The following SMO variants were observed in gnomAD, a reference collection of about 807,000 sequenced individuals.
SMO encodes protein smoothened.
Under a neutral mutation model 81.6 loss-of-function variants are expected in SMO, and 40 were observed. That is an observed-to-expected ratio of 0.49 (90% CI 0.38 to 0.64). SMO has a LOEUF of 0.64. SMO is among the 30% of genes least tolerant of loss of function. The probability of loss-of-function intolerance (pLI) is 0.00; values close to 1 mark genes in which losing one functional copy is unlikely to be tolerated. For synonymous variants in SMO, 434 were observed against 432.1 expected (o/e 1.00, Z -0.05); for missense variants, 916 against 1,061.1 (o/e 0.86, Z 1.90).
At chr7:129,209,419 G>C in intron 8 of SMO, 22 bp downstream of exon 8, 1 of 1,518,222 alleles carries the variant, frequency 6.6e-7, no homozygotes, top group Non-Finnish European at 9.1e-7. Context: ...GCATGGAGGC[G>C]GCAGTGCTGG....
rs2150655328 is a variant in SMO at position 129,211,549 on chromosome 7, G to A, written c.1802-87G>A. On this transcript the variant is annotated intron_variant, in intron 10 of 11. Coordinates refer to ENST00000249373, the MANE Select transcript of SMO (RefSeq NM_005631.5). This position sits in a 1 kb window ranked among gnomAD's most constrained non-coding sequence, Gnocchi z 4.6. Reference sequence around the variant, plus strand: ...GGTGAGCAGGAGGGACTGGCTGTGGGAAGATGAATGGCACTGACTATGGGA... The same window carrying A: ...GGTGAGCAGGAGGGACTGGCTGTGGAAAGATGAATGGCACTGACTATGGGA... 1.7e-5 allele frequency: 24 copies of A among 1,426,572 alleles called. No individual in the cohort carries two copies. The highest frequency in any genetic ancestry group is 2.2e-5 in the Non-Finnish European group (22 of 1,022,044). 88.4% of individuals were successfully genotyped at this position (1,426,572 alleles called of 1,614,324 possible).
Position 129,210,638 on chromosome 7 carries a change from G to C in SMO, c.1652+90G>C. Reference sequence around the variant, plus strand: ...TAGGTTTTGTCGGGTCCTGCCTCTAGCACAGCCTTGGTCAGTGGTTCACCG... The same window carrying C: ...TAGGTTTTGTCGGGTCCTGCCTCTACCACAGCCTTGGTCAGTGGTTCACCG... On this transcript the variant is annotated intron_variant, in intron 9 of 11. Transcript: ENST00000249373. This position sits in a 1 kb window ranked among gnomAD's most constrained non-coding sequence, Gnocchi z 4.7. The C allele has an allele frequency of 3.7e-6, 4 of 1,077,962 alleles. No homozygotes were observed. The South Asian group carries it at 5.6e-5, about 15-fold the overall frequency. The allele number at this position is 1,077,962 out of a possible 1,614,324, so 66.8% of individuals were successfully genotyped here.
intron 1 of SMO, among the ~76,000 whole-genome samples, chr7:129,190,845 G>A (rs2150639421): frequency 6.6e-6 from 1 of 152,304 alleles, no homozygotes; most frequent in South Asian, 2.1e-4. Flanking sequence ...ATGTGGTTTT[G>A]CATATACACT....
At chr7:129,202,449 A>G (rs1308384359) in intron 1 of SMO, among the ~76,000 whole-genome samples, 1 of 152,066 alleles carries the variant, frequency 6.6e-6, no homozygotes, top group African/African-American at 2.4e-5. Flanking sequence ...ACATCCTCAT[A>G]TTCTCTCCTA....
chr7:129,202,836 A>G (rs1793692546), intron 1 of SMO, among the ~76,000 whole-genome samples: 1 of 152,120 alleles, frequency 6.6e-6, no homozygotes, highest in Admixed American at 6.6e-5. Context: ...GAAAAGGTAA[A>G]TCCACCCCGG....
At chr7:129,198,470 C>T (rs951028602) in intron 1 of SMO, among the ~76,000 whole-genome samples, 18 of 152,210 alleles carry the variant, frequency 1.2e-4, no homozygotes, top group Non-Finnish European at 2.2e-4. Flanking sequence ...GTACCATGCT[C>T]TATAGACTGC....
chr7:129,195,742 T>C (rs534225376), intron 1 of SMO, among the ~76,000 whole-genome samples: 41 of 152,302 alleles, frequency 2.7e-4, no homozygotes, highest in African/African-American at 9.4e-4. Context: ...ATTGACATTA[T>C]TTCAAGATAT....
chr7:129,190,915 C>T (rs1793472634), intron 1 of SMO, among the ~76,000 whole-genome samples: 1 of 152,042 alleles, frequency 6.6e-6, no homozygotes. Flanking sequence ...AATGGGTATA[C>T]ATAGAAGATA....
At position 129,189,567 on chromosome 7, in the gene SMO, A is replaced by T; in HGVS notation, c.331+85A>T. The stretch of plus-strand genomic sequence containing the variant: ...CTTGGAAAGAACAGGCTCAGGCCTG[A>T]GTTTTGGAGAGGGCGGGGACAGCAC... On this transcript the variant is annotated intron_variant, in intron 1 of 11. Coordinates refer to ENST00000249373, the MANE Select transcript of SMO (RefSeq NM_005631.5). The surrounding 1 kb of genome is among the most constrained non-coding windows in gnomAD (Gnocchi z 4.7). The T allele has an allele frequency of 1.4e-6, 2 of 1,423,430 alleles. No homozygotes were observed. The highest frequency in any genetic ancestry group is 1.9e-6 in the Non-Finnish European group (2 of 1,057,446). 88.2% of individuals were successfully genotyped at this position (1,423,430 alleles called of 1,614,324 possible).
chr7:129,206,636 C>T lies in SMO; in HGVS notation c.1264+49C>T, dbSNP rs2150650979. 1 of 1,595,200 alleles carries T rather than the reference C, an allele frequency of 6.3e-7. No individual in the cohort carries two copies. The highest frequency in any genetic ancestry group is 8.6e-7 in the Non-Finnish European group (1 of 1,167,904). On this transcript the variant is annotated intron_variant, in intron 6 of 11. Transcript: ENST00000249373. The surrounding 1 kb of genome is among the most constrained non-coding windows in gnomAD (Gnocchi z 4.4). ...CAGTTGGGCAACAAAATATACTGGG[C>T]ACTTGCTGCCAGTACTGGGAGCTGC...
chr7:129,193,289 C>G (rs1793505851), intron 1 of SMO, among the ~76,000 whole-genome samples: 4 of 152,232 alleles, frequency 2.6e-5, no homozygotes, highest in African/African-American at 9.6e-5. Context: ...TGCCCACTTG[C>G]AGGTAAGTAG....
chr7:129,206,152 C>A lies in SMO; in HGVS notation c.923C>A (p.Ser308Tyr). The change falls in exon 5 of 12, where the codon TCC (serine) becomes TAC (tyrosine). Residue 308 changes from serine to tyrosine, a missense_variant and splice_region_variant. Transcript: ENST00000249373. The surrounding 1 kb of genome is among the most constrained non-coding windows in gnomAD (Gnocchi z 4.4). ...DGTMRLGEPT[S>Y]NETLSCVIIF... ...TGACACCTCACCTCTCTGCACAGCT[C>A]CAATGAGACTCTGTCCTGCGTCATC... The A allele has an allele frequency of 6.3e-7, 1 of 1,597,198 alleles. No homozygotes were observed. Among genetic ancestry groups the A allele is most frequent in the South Asian group, 1.1e-5 (1 of 87,248 alleles).
intron 1 of SMO, among the ~76,000 whole-genome samples, chr7:129,191,888 C>T (rs7784604): frequency 3.3e-5 from 5 of 152,160 alleles, no homozygotes; most frequent in Middle Eastern, 6.8e-3. Flanking sequence ...TCACATGCTG[C>T]GCATGTAAGG....
chr7:129,210,902 TC>T lies in SMO; in HGVS notation c.1653-60del. The T allele has an allele frequency of 6.5e-7, 1 of 1,529,156 alleles. No individual in the cohort carries two copies. Among genetic ancestry groups the T allele is most frequent in the Non-Finnish European group, 8.8e-7 (1 of 1,133,726 alleles). 94.7% of individuals were successfully genotyped at this position (1,529,156 alleles called of 1,614,324 possible). On this transcript the variant is annotated intron_variant, in intron 9 of 11. Transcript: ENST00000249373. This position sits in a 1 kb window ranked among gnomAD's most constrained non-coding sequence, Gnocchi z 4.7. ...TGGAAAGAATGGCATCGCTGGCCCT[TC>T]CCAAGATTTGATGGGAAGTGGCAGC...
chr7:129,192,475 T>G (rs1272119389), intron 1 of SMO, among the ~76,000 whole-genome samples: 2 of 152,200 alleles, frequency 1.3e-5, no homozygotes. Flanking sequence ...GTCTTTGCAT[T>G]TTAGCTGGAT....
chr7:129,196,779 A>G (rs1257258747), intron 1 of SMO, among the ~76,000 whole-genome samples: 2 of 152,090 alleles, frequency 1.3e-5, no homozygotes, highest in African/African-American at 4.8e-5. Flanking sequence ...GCACTTCGGG[A>G]GGCCAAGGCA....
chr7:129,199,022 A>G (rs772262389), intron 1 of SMO, among the ~76,000 whole-genome samples: 5 of 152,178 alleles, frequency 3.3e-5, no homozygotes, highest in African/African-American at 9.7e-5. Flanking sequence ...TGAATAATCT[A>G]TATTATCTTT....
rs1315908503 is a variant in SMO, at chr7:129,188,813, G to A, written c.-339G>A. On this transcript the variant is annotated 5_prime_UTR_variant, in exon 1 of 12. In the 5' UTR this introduces an upstream ATG that the reference lacks. Transcript: ENST00000249373. This position sits in a 1 kb window ranked among gnomAD's most constrained non-coding sequence, Gnocchi z 4.9. ...CTGGCCTCCCTCGCGGGGCGGGGAG[G>A]TGGCTTTAATGGTGGGAGAGGGAAT... 2.2e-5 allele frequency: 5 copies of A among 224,710 alleles called. No homozygotes were observed. The highest frequency in any genetic ancestry group is 1.8e-4 in the South Asian group (1 of 5,470). The allele number at this position is 224,710 out of a possible 1,614,324, so 13.9% of individuals were successfully genotyped here. A position where few individuals can be genotyped will look rare whatever the true frequency, so the allele number is the denominator to read the frequency against.
rs114406835 is a variant in SMO at position 129,211,081 on chromosome 7, G to A, written c.1769G>A (p.Ser590Asn). The A allele has an allele frequency of 1.7e-5, 28 of 1,613,176 alleles. No individual in the cohort carries two copies. The highest frequency in any genetic ancestry group is 2.4e-5 in the Non-Finnish European group (28 of 1,179,616). ...AACCCAGGCCAGGAGCTGTCCTTCA[G>A]CATGCACACTGTGTCCCACGACGGG... ...LQNPGQELSF[S>N]MHTVSHDGPV... The change falls in exon 10 of 12, where the codon AGC becomes AAC. Residue 590 changes from serine (S) to asparagine (N), a missense_variant. By Grantham distance (46) the Ser-to-Asn change is conservative (BLOSUM62 1). Transcript: ENST00000249373. This position sits in a 1 kb window ranked among gnomAD's most constrained non-coding sequence, Gnocchi z 4.6.
Sources: allele counts gnomAD v4.1 joint callset (sites outside exome capture counted in the v4.1 genomes callset), GRCh38; gene constraint gnomAD v4.1.1; non-coding constraint Gnocchi (gnomAD v3.1); transcripts MANE v1.5; gene names NCBI Gene and HGNC (gene_info 2026-07-23, HGNC 2026-07-21).